The following ARAP2 variants were observed in gnomAD, a reference collection of about 807,000 sequenced individuals.
ARAP2 encodes the protein ArfGAP with RhoGAP domain, ankyrin repeat and PH domain 2, also known as arf-GAP with Rho-GAP domain, ANK repeat and PH domain-containing protein 2.
A neutral mutation model predicts 194.5 loss-of-function variants in ARAP2; 148 were observed. That is an observed-to-expected ratio of 0.76 (90% CI 0.67 to 0.87). The LOEUF (loss-of-function observed/expected upper bound fraction) is 0.87. ARAP2 is among the 40% of genes least tolerant of loss of function. The pLI is 0.00. For synonymous variants in ARAP2, 695 were observed against 683.5 expected, an observed-to-expected ratio of 1.02 and a Z score of -0.26; for missense variants, 2,128 against 1,989.7, an observed-to-expected ratio of 1.07 and a Z score of -1.32.
intron 7 of ARAP2, among the ~76,000 whole-genome samples, chr4:36,191,203 G>C (rs920740410): frequency 6.6e-6 from 1 of 152,134 alleles, no homozygotes; most frequent in Admixed American, 6.5e-5. Flanking sequence ...CATCCCTCTA[G>C]TGAGATAATT....
downstream of ARAP2, among the ~76,000 whole-genome samples, chr4:36,062,633 AGTGT>A (rs10641822): frequency 1.4e-3 from 211 of 148,246 alleles, no homozygotes; most frequent in Non-Finnish European, 1.7e-3. Flanking sequence ...TTTGTGTGAG[AGTGT>A]GTGTGTGTGT....
intron 11 of ARAP2, among the ~76,000 whole-genome samples, chr4:36,161,880 G>A (rs1319939647): frequency 3.3e-5 from 5 of 151,046 alleles, no homozygotes; most frequent in South Asian, 4.2e-4. Context: ...AGGCCGAGGC[G>A]GGCGGATCAC....
chr4:36,105,964 A>C (rs1249333574), intron 27 of ARAP2, among the ~76,000 whole-genome samples: 2 of 152,012 alleles, frequency 1.3e-5, no homozygotes, highest in Admixed American at 6.6e-5. Flanking sequence ...GAAACAAATA[A>C]AAATTTCAAC....
Position 36,228,929 on chromosome 4 carries a change from A to T in ARAP2, c.558T>A (p.Thr186=). 1 of 1,614,040 alleles carries T rather than the reference A, an allele frequency of 6.2e-7. No homozygotes were observed. The highest frequency in any genetic ancestry group is 8.5e-7 in the Non-Finnish European group (1 of 1,179,958). ...GTTGTTCTTCAACTGTGTGATCCAC[A>T]GTCTTCTTTGTAATCAATGATTCTA... The part of the protein sequence containing the change: ...IKIESLITKK[T]VDHTVEEQQT... Residue 186 remains threonine, a synonymous_variant, in exon 2 of 33, where the codon ACT becomes ACA. Coordinates refer to ENST00000303965, the MANE Select transcript of ARAP2 (RefSeq NM_015230.4).
intron 19 of ARAP2, among the ~76,000 whole-genome samples, chr4:36,144,251 G>T (rs891006867): frequency 2.0e-5 from 3 of 151,830 alleles, no homozygotes; most frequent in Non-Finnish European, 4.4e-5. Flanking sequence ...TTGTCTATTT[G>T]TTTAAGAACA....
intron 27 of ARAP2, among the ~76,000 whole-genome samples, chr4:36,098,459 T>C (rs1281555064): frequency 2.0e-5 from 3 of 152,068 alleles, no homozygotes; most frequent in Non-Finnish European, 4.4e-5. Context: ...TCTCCATGAT[T>C]TTATAAAAGC....
chr4:36,124,041 C>A (rs1307899662), intron 22 of ARAP2, among the ~76,000 whole-genome samples: 1 of 151,728 alleles, frequency 6.6e-6, no homozygotes, highest in Admixed American at 6.6e-5. Flanking sequence ...ATAATGTGGA[C>A]TATATTTGTA....
chr4:36,150,158 T>C (rs1466945852), intron 16 of ARAP2, among the ~76,000 whole-genome samples: 1 of 152,220 alleles, frequency 6.6e-6, no homozygotes, highest in East Asian at 1.9e-4. Context: ...TTAAGAAATT[T>C]AGCATTTCAA....
chr4:36,026,292 G>C (rs993321011), intron 5 of ARAP2, among the ~76,000 whole-genome samples: 1 of 152,188 alleles, frequency 6.6e-6, no homozygotes, highest in Non-Finnish European at 1.5e-5. Context: ...CAGAGCTGTA[G>C]CCTGTGATTC....
intron 6 of ARAP2, among the ~76,000 whole-genome samples, chr4:36,194,709 A>G (rs1742693735): frequency 6.6e-6 from 1 of 152,362 alleles, no homozygotes; most frequent in East Asian, 1.9e-4. Context: ...TGCATAAGAT[A>G]AAATTATACC....
downstream of ARAP2, chr4:36,065,600 G>T: frequency 4.9e-6 from 1 of 205,106 alleles, no homozygotes; most frequent in South Asian, 6.2e-5. Context: ...AAGTGGCCTG[G>T]GTGACAGGCA....
chr4:36,205,945 T>C (rs748202158), intron 6 of ARAP2, among the ~76,000 whole-genome samples: 18 of 152,216 alleles, frequency 1.2e-4, no homozygotes, highest in African/African-American at 2.7e-4. Context: ...CCCAGCTAAT[T>C]TGCAGATTAA....
intron 6 of ARAP2, among the ~76,000 whole-genome samples, chr4:36,205,216 G>A (rs189213025): frequency 2.6e-5 from 4 of 151,908 alleles, no homozygotes; most frequent in Admixed American, 1.3e-4. Flanking sequence ...GTGTCTAGAA[G>A]GGAAGGAGGG....
intron 28 of ARAP2, among the ~76,000 whole-genome samples, chr4:36,085,712 G>T (rs1711606169): frequency 6.6e-6 from 1 of 151,904 alleles, no homozygotes. Context: ...AAATATTTTT[G>T]AAAAGTTATA....
intron 1 of ARAP2, among the ~76,000 whole-genome samples, chr4:36,237,567 C>T (rs1364410135): frequency 6.6e-6 from 1 of 152,168 alleles, no homozygotes; most frequent in Non-Finnish European, 1.5e-5. Context: ...GGCACCTCCT[C>T]CATCTCTTGC....
At chr4:36,099,176 A>G (rs1309829910) in intron 27 of ARAP2, among the ~76,000 whole-genome samples, 1 of 151,682 alleles carries the variant, frequency 6.6e-6, no homozygotes, top group African/African-American at 2.4e-5. Flanking sequence ...TTCCCGTGTT[A>G]GTTTGCCGAG....
At chr4:36,051,256 C>T (rs913461473) in intron 3 of ARAP2, among the ~76,000 whole-genome samples, 1 of 152,060 alleles carries the variant, frequency 6.6e-6, no homozygotes, top group African/African-American at 2.4e-5. Context: ...AATCCCAGCA[C>T]TTTGGGAGGC....
chr4:36,096,362 C>CAAAAAAA (rs10632831), intron 27 of ARAP2, among the ~76,000 whole-genome samples: 12 of 80,860 alleles, frequency 1.5e-4, no homozygotes, highest in Admixed American at 2.7e-4. Context: ...GAGACTCTCT[C>CAAAAAAA]AAAAAAAAAA....
At chr4:36,031,138 T>C (rs1209171838) in intron 5 of ARAP2, among the ~76,000 whole-genome samples, 1 of 151,972 alleles carries the variant, frequency 6.6e-6, no homozygotes, top group Non-Finnish European at 1.5e-5. Flanking sequence ...AAAGAAAAAA[T>C]AAATTTCTGA....
Sources: gnomAD v4.1 joint callset for allele counts (sites outside exome capture counted in the v4.1 genomes callset) on GRCh38, gnomAD v4.1.1 for gene constraint, MANE v1.5 for transcripts, NCBI Gene and HGNC (gene_info 2026-07-23, HGNC 2026-07-21) for gene names.